The following MBNL2 variants were observed in gnomAD, a reference collection of about 807,000 sequenced individuals.
MBNL2 encodes the protein muscleblind like splicing regulator 2, also known as muscleblind-like protein 2.
A neutral mutation model predicts 41.9 loss-of-function variants in MBNL2; 17 were observed. That is an observed-to-expected ratio of 0.41 (90% CI 0.28 to 0.61). MBNL2 has a LOEUF of 0.61. MBNL2 is among the 20% of genes least tolerant of loss of function. The pLI is 0.35. For missense variants in MBNL2, 336 were observed against 505.6 expected (o/e 0.66, Z 3.22); for synonymous variants, 195 against 182.9 (o/e 1.07, Z -0.53).
chr13:97,365,748 T>A (rs2063795417), intron 8 of MBNL2, among the ~76,000 whole-genome samples: 1 of 152,204 alleles, frequency 6.6e-6, no homozygotes, highest in Non-Finnish European at 1.5e-5. Context: ...CAGATAGTTG[T>A]CCTCACACAC....
chr13:97,372,997 C>A (rs1051840081), intron 8 of MBNL2, among the ~76,000 whole-genome samples: 1 of 152,172 alleles, frequency 6.6e-6, no homozygotes, highest in African/African-American at 2.4e-5. Context: ...CAAGAAAAAT[C>A]TTGGTTCAGC....
upstream of MBNL2, among the ~76,000 whole-genome samples, chr13:97,219,516 T>C (rs1276625969): frequency 6.6e-6 from 1 of 152,240 alleles, no homozygotes; most frequent in Non-Finnish European, 1.5e-5. Context: ...ATGGTCAGGT[T>C]CTGGTGAGGT....
intron 2 of MBNL2, among the ~76,000 whole-genome samples, chr13:97,313,733 G>A (rs2058802485): frequency 6.6e-6 from 1 of 152,182 alleles, no homozygotes; most frequent in African/African-American, 2.4e-5. Flanking sequence ...AGGCTTCAGG[G>A]ATAGCCACAC....
intron 2 of MBNL2, among the ~76,000 whole-genome samples, chr13:97,283,914 T>C (rs74109431): frequency 1.1e-3 from 175 of 152,278 alleles, no homozygotes; most frequent in African/African-American, 3.9e-3. Flanking sequence ...GTGAGGATTT[T>C]CAGGGCATCA....
the MBNL2 span, among the ~76,000 whole-genome samples, chr13:97,209,970 GC>G: frequency 6.6e-6 from 1 of 152,012 alleles, no homozygotes; most frequent in African/African-American, 2.4e-5. Flanking sequence ...TAATTTTTGT[GC>G]TTTTAGTAGA....
chr13:97,332,035 G>A (rs1014230055), intron 2 of MBNL2, among the ~76,000 whole-genome samples: 2 of 151,962 alleles, frequency 1.3e-5, no homozygotes, highest in African/African-American at 4.8e-5. Context: ...GTATATGAGT[G>A]AATACAATAT....
In MBNL2 at chr13:97,305,871, A is replaced by G. The variant is rs571816715; in HGVS notation, c.175-28405A>G. On this transcript the variant is annotated intron_variant, in intron 2 of 8. Transcript: ENST00000679496. ...GAAAAGTTCAAGATATTTGACAGAGAGCTACCCAAGCAATAATTATTTCTA... is the reference window on the plus strand; with the variant it reads ...GAAAAGTTCAAGATATTTGACAGAGGGCTACCCAAGCAATAATTATTTCTA... Among the ~76,000 whole-genome samples the G allele has an allele frequency of 5.6e-4, 85 of 152,272 alleles. 1 individual carries two copies. The highest frequency in any genetic ancestry group is 1.1e-3 in the Non-Finnish European group (72 of 68,028).
chr13:97,147,913 G>A, the MBNL2 span, among the ~76,000 whole-genome samples: 2 of 152,158 alleles, frequency 1.3e-5, no homozygotes, highest in Non-Finnish European at 2.9e-5. Flanking sequence ...GAGAGTAGTG[G>A]GAAGAGGAAG....
Position 97,366,446 on chromosome 13 carries a change from C to CCGAA in MBNL2, c.1048+1276_1048+1277insGAAC. On this transcript the variant is annotated intron_variant, in intron 8 of 8. Coordinates refer to ENST00000679496, the MANE Select transcript of MBNL2 (RefSeq NM_001382683.1). This position sits in a 1 kb window ranked among gnomAD's most constrained non-coding sequence, Gnocchi z 4.7. ...CCTCCTGTTCATTGCTCCCATGGTT[C>CCGAA]CCCTCCTGAAAGTACCCATGATGCA... is the stretch of plus-strand genomic sequence containing the variant. 1 of 1,342,108 alleles carries CCGAA rather than the reference C, an allele frequency of 7.5e-7. No individual in the cohort carries two copies. The highest frequency in any genetic ancestry group is 1.2e-5 in the South Asian group (1 of 84,524). 83.1% of individuals were successfully genotyped at this position (1,342,108 alleles called of 1,614,324 possible). A position where few individuals can be genotyped will look rare whatever the true frequency, so the allele number is the denominator to read the frequency against.
At chr13:97,372,331 C>T (rs1566447600) in intron 8 of MBNL2, among the ~76,000 whole-genome samples, 2 of 152,142 alleles carry the variant, frequency 1.3e-5, no homozygotes, top group South Asian at 2.1e-4. Flanking sequence ...CTGAACTCTC[C>T]TCCAAAGATT....
the MBNL2 span, among the ~76,000 whole-genome samples, chr13:97,184,438 G>A: frequency 4.6e-5 from 7 of 152,042 alleles, no homozygotes; most frequent in South Asian, 8.3e-4. Context: ...TCCAGCTGTC[G>A]TCCTCATGGT....
At chr13:97,232,497 G>GA (rs1386968563) in intron 1 of MBNL2, among the ~76,000 whole-genome samples, 3 of 152,146 alleles carry the variant, frequency 2.0e-5, no homozygotes. Flanking sequence ...TTTTCATGAA[G>GA]AAAATGAAGC....
rs751981111 is a variant in MBNL2, at chr13:97,391,475, AC to A, written c.*28del. On this transcript the variant is annotated 3_prime_UTR_variant, in exon 9 of 9. Coordinates refer to ENST00000679496, the MANE Select transcript of MBNL2 (RefSeq NM_001382683.1). ...ATAAAGATGTAGTTCTTCTGGACAGACCACAACTCTAAGAAGCTAGTGCTGC... is the reference window on the plus strand; with the variant it reads ...ATAAAGATGTAGTTCTTCTGGACAGACACAACTCTAAGAAGCTAGTGCTGC... 2.8e-5 allele frequency: 26 copies of A among 927,086 alleles called. No individual in the cohort carries two copies. The highest frequency in any genetic ancestry group is 4.1e-5 in the Non-Finnish European group (23 of 555,946). The allele number at this position is 927,086 out of a possible 1,614,324, so 57.4% of individuals were successfully genotyped here.
At position 97,223,952 on chromosome 13, in the gene MBNL2, A is replaced by G. The variant is rs376443682; in HGVS notation, c.-605+1421A>G. 4.2e-4 allele frequency among the ~76,000 whole-genome samples: 64 copies of G among 152,312 alleles called. 3 individuals are homozygous for G. The South Asian group carries it at 0.013, about 30-fold the overall frequency. ...ATATTTCTTTATGTCCTGGCCAGGA[A>G]CATTCTAACTCCCCACTGGCAGGAC... is the stretch of plus-strand genomic sequence containing the variant. On this transcript the variant is annotated intron_variant, in intron 1 of 8. Coordinates refer to ENST00000679496, the MANE Select transcript of MBNL2 (RefSeq NM_001382683.1).
intron 2 of MBNL2, among the ~76,000 whole-genome samples, chr13:97,306,473 ACCCTC>A (rs2058137068): frequency 6.6e-6 from 1 of 152,056 alleles, no homozygotes; most frequent in Non-Finnish European, 1.5e-5. Flanking sequence ...GCCTTCCATT[ACCCTC>A]TGAGAGCAAA....
chr13:97,197,107 A>G, the MBNL2 span, among the ~76,000 whole-genome samples: 96 of 152,318 alleles, frequency 6.3e-4, 2 homozygotes, highest in East Asian at 0.018. Context: ...GGGAGGTCAG[A>G]TGCCTCCCAT....
intron 2 of MBNL2, among the ~76,000 whole-genome samples, chr13:97,292,158 G>A (rs9556696): frequency 0.51 from 70,934 of 140,194 alleles, 19,961 homozygotes; most frequent in Non-Finnish European, 0.61. Flanking sequence ...CCGAGATCGC[G>A]CCACTGCACT....
chr13:97,332,755 T>C (rs2060534401), intron 2 of MBNL2, among the ~76,000 whole-genome samples: 1 of 152,200 alleles, frequency 6.6e-6, no homozygotes, highest in African/African-American at 2.4e-5. Context: ...CAATATGAAC[T>C]TGAGACTAAG....
chr13:97,198,490 A>G, the MBNL2 span, among the ~76,000 whole-genome samples: 9 of 148,748 alleles, frequency 6.1e-5, no homozygotes, highest in African/African-American at 2.0e-4. Flanking sequence ...AATCTTTAAT[A>G]TATATATTTA....
Sources: gnomAD v4.1 joint callset for allele counts (sites outside exome capture counted in the v4.1 genomes callset) on GRCh38, gnomAD v4.1.1 for gene constraint, Gnocchi (gnomAD v3.1) non-coding constraint, MANE v1.5 for transcripts, NCBI Gene and HGNC (gene_info 2026-07-23, HGNC 2026-07-21) for gene names.